Variants in CABLES2 observed in about 807,000 individuals in gnomAD.
CABLES2 encodes CDK5 and ABL1 enzyme substrate 2.
In CABLES2, 35 loss-of-function variants were observed where a neutral mutation model predicts 44.8. That is an observed-to-expected ratio of 0.78 (90% CI 0.60 to 1.04). The LOEUF (loss-of-function observed/expected upper bound fraction) is 1.04. Among genes scored for constraint, CABLES2 ranks in the 50% least tolerant of loss-of-function variants. The pLI, the probability that CABLES2 is intolerant of heterozygous loss-of-function variation, is 0.00. For synonymous variants in CABLES2, 282 were observed against 281.1 expected (o/e 1.00, Z -0.03); for missense variants, 566 against 615.7 (o/e 0.92, Z 0.85).
rs1987924675 is a variant in CABLES2, at chr20:62,391,841, G to A, written c.1092-388C>T. On this transcript the variant is annotated intron_variant, in intron 8 of 9. Transcript: ENST00000279101. This position sits in a 1 kb window ranked among gnomAD's most constrained non-coding sequence, Gnocchi z 5.7. Reference sequence around the variant, plus strand: ...AGTGAGCTGCCCTCTGGAACACTGGGGCAGAGGCCGGCAGGGCAGGCCCCC... The same window carrying A: ...AGTGAGCTGCCCTCTGGAACACTGGAGCAGAGGCCGGCAGGGCAGGCCCCC... 6.6e-6 allele frequency among the ~76,000 whole-genome samples: 1 copy of A among 152,032 alleles called. No homozygotes were observed. Among genetic ancestry groups the A allele is most frequent in the Non-Finnish European group, 1.5e-5 (1 of 67,994 alleles).
chr20:62,397,916 A>AGTAGTGATGGTGGTG (rs1988050914), intron 1 of CABLES2, among the ~76,000 whole-genome samples: 2 of 72,114 alleles, frequency 2.8e-5, no homozygotes, highest in Non-Finnish European at 6.3e-5. Context: ...TGGTGATGGC[A>AGTAGTGATGGTGGTG]GTGGTGATGG....
intron 1 of CABLES2, among the ~76,000 whole-genome samples, chr20:62,401,814 G>T (rs996554876): frequency 6.6e-6 from 1 of 152,208 alleles, no homozygotes; most frequent in Non-Finnish European, 1.5e-5. Flanking sequence ...GCTCCGTGGG[G>T]TGTGCCCAGG....
At chr20:62,395,199 G>GCC (rs965194314) in intron 3 of CABLES2, among the ~76,000 whole-genome samples, 185 bp from the exon 4 acceptor site, 1 of 152,220 alleles carries the variant, frequency 6.6e-6, no homozygotes, top group East Asian at 1.9e-4. Flanking sequence ...ACTAAGCCTG[G>GCC]CCCCCGCAAG....
Position 62,407,236 on chromosome 20 carries a change from G to A in CABLES2, c.41C>T (p.Pro14Leu), listed in dbSNP as rs1282980827. ...GGGTGGCGGGGGCCCGGCGGGGCCG[G>A]GGGCCGGGCCCGGGGCTCCACCGGC... ...AAAGGAPGPAPGPAGPPPPAA... is the reference protein window; with the variant it reads ...AAAGGAPGPALGPAGPPPPAA... Residue 14 changes from proline (P) to leucine (L), a missense_variant, in exon 1 of 10, where the codon CCC (proline) becomes CTC (leucine). Transcript: ENST00000279101. The A allele has an allele frequency of 4.7e-6, 4 of 853,012 alleles. No homozygotes were observed. The highest frequency in any genetic ancestry group is 1.9e-5 in the African/African-American group (1 of 53,882). 52.8% of individuals were successfully genotyped at this position (853,012 alleles called of 1,614,324 possible). A position where few individuals can be genotyped will look rare whatever the true frequency, so the allele number is the denominator to read the frequency against.
rs759686579 is a variant in CABLES2, at chr20:62,392,414, T to G, written c.1066A>C (p.Lys356Gln). 10 of 1,613,898 alleles carry G rather than the reference T, an allele frequency of 6.2e-6. No individual in the cohort carries two copies. The highest frequency in any genetic ancestry group is 8.5e-6 in the Non-Finnish European group (10 of 1,179,946). Residue 356 changes from lysine (K) to glutamine (Q), a missense_variant, in exon 8 of 10, where the codon AAA becomes CAA. By Grantham distance (53) the Lys-to-Gln change is moderately conservative (BLOSUM62 1). This residue lies in a region of CABLES2 where 436 missense variants were observed against 536.3 expected (regional missense o/e 0.81). Coordinates refer to ENST00000279101, the MANE Select transcript of CABLES2 (RefSeq NM_031215.3). ...ETFREKFPHV[K>Q]LTLSKIRSLK... ...CTCCTGATTTTGCTCAGCGTCAGTT[T>G]GACATGGGGGAACTTCTCCCTGAAG...
rs774847572 is a variant in CABLES2 at position 62,406,977 on chromosome 20, G to C, written c.300C>G (p.Pro100=). 1.1e-4 allele frequency: 135 copies of C among 1,206,956 alleles called. 1 individual carries two copies. The African/African-American group carries it at 2.0e-3, about 18-fold the overall frequency. 74.8% of individuals were successfully genotyped at this position (1,206,956 alleles called of 1,614,324 possible). Residue 100 remains proline (P), a synonymous_variant, in exon 1 of 10, where the codon CCC becomes CCG. Transcript: ENST00000279101. ...PTGLPARTPA[P]QGLLSPTQVP... ...CCTGCGTGGGGCTGAGCAGGCCCTG[G>C]GGCGCGGGGGTCCTGGCGGGCAGCC...
chr20:62,400,160 G>A (rs1414052545), intron 1 of CABLES2, among the ~76,000 whole-genome samples: 1 of 152,206 alleles, frequency 6.6e-6, no homozygotes, highest in Non-Finnish European at 1.5e-5. Flanking sequence ...GGGGGCAGGG[G>A]ACCAGCCGGA....
At chr20:62,398,073 G>GTGGTGGTGGTGGTGA (rs1988081188) in intron 1 of CABLES2, among the ~76,000 whole-genome samples, 2 of 38,736 alleles carry the variant, frequency 5.2e-5, no homozygotes, top group East Asian at 2.0e-3. Flanking sequence ...GGTGGTGACG[G>GTGGTGGTGGTGGTGA]TGGTGGTGGT....
intron 1 of CABLES2, among the ~76,000 whole-genome samples, chr20:62,398,088 A>ATGGTGGTGGTGGTAATGG: frequency 1.9e-5 from 1 of 52,250 alleles, no homozygotes; most frequent in South Asian, 8.8e-4. Flanking sequence ...GGTGGTGGTG[A>ATGGTGGTGGTGGTAATGG]CGGTGGTGGT....
chr20:62,394,300 G>A, intron 4 of CABLES2, 35 bp from the exon 5 acceptor site: 1 of 1,569,206 alleles, frequency 6.4e-7, no homozygotes, highest in East Asian at 2.2e-5. Flanking sequence ...GCTGTGGTCT[G>A]CGCTGAACTC....
intron 1 of CABLES2, among the ~76,000 whole-genome samples, chr20:62,400,453 C>T (rs1483853956): frequency 1.3e-5 from 2 of 152,090 alleles, no homozygotes; most frequent in Non-Finnish European, 2.9e-5. Flanking sequence ...AGGAGCCCAG[C>T]GGAGGCTGGA....
chr20:62,397,345 C>T (rs1419025781), intron 1 of CABLES2, among the ~76,000 whole-genome samples: 2 of 152,290 alleles, frequency 1.3e-5, no homozygotes, highest in Non-Finnish European at 2.9e-5. Context: ...AGTGCCGGCC[C>T]CATGGATGGG....
Position 62,388,689 on chromosome 20 carries a change from A to G in CABLES2, c.*2282T>C. The stretch of plus-strand genomic sequence containing the variant: ...ATTATCCATTTAAAAACAGATATCT[A>G]AGACAAAATAACTCAAACATTCTGA... On this transcript the variant is annotated 3_prime_UTR_variant, in exon 10 of 10. Transcript: ENST00000279101. The G allele has an allele frequency of 3.4e-6, 2 of 589,104 alleles. No individual in the cohort carries two copies. The highest frequency in any genetic ancestry group is 6.0e-6 in the Non-Finnish European group (2 of 333,924). The allele number at this position is 589,104 out of a possible 1,614,324, so 36.5% of individuals were successfully genotyped here. A position where few individuals can be genotyped will look rare whatever the true frequency, so the allele number is the denominator to read the frequency against.
intron 1 of CABLES2, among the ~76,000 whole-genome samples, chr20:62,406,171 G>A (rs1988279491): frequency 6.6e-6 from 1 of 152,100 alleles, no homozygotes; most frequent in Non-Finnish European, 1.5e-5. Flanking sequence ...GGAGAGGAGG[G>A]GTGCCAGAGA....
chr20:62,394,062 T>G (rs1428754346), intron 5 of CABLES2, 95 bp downstream of exon 5: 1 of 945,984 alleles, frequency 1.1e-6, no homozygotes, highest in Non-Finnish European at 1.7e-6. Context: ...GAAGCACAGC[T>G]TCACGTGTGC....
chr20:62,401,193 C>T (rs563172183), intron 1 of CABLES2, among the ~76,000 whole-genome samples: 130 of 152,322 alleles, frequency 8.5e-4, no homozygotes, highest in African/African-American at 3.1e-3. Flanking sequence ...TTGCAGGTCA[C>T]GTTTTTTGGT....
At position 62,390,713 on chromosome 20, in the gene CABLES2, C is replaced by G; in HGVS notation, c.*258G>C. On this transcript the variant is annotated 3_prime_UTR_variant, in exon 10 of 10. Transcript: ENST00000279101. Reference sequence around the variant, plus strand: ...CGTGAAAAAAATACCAGTAACAAACCTCACATTTAGTTTATGTAAAAATGC... The same window carrying G: ...CGTGAAAAAAATACCAGTAACAAACGTCACATTTAGTTTATGTAAAAATGC... 1.9e-6 allele frequency: 1 copy of G among 514,492 alleles called. No homozygotes were observed. The highest frequency in any genetic ancestry group is 2.6e-5 in the South Asian group (1 of 38,262). 31.9% of individuals were successfully genotyped at this position (514,492 alleles called of 1,614,324 possible).
At chr20:62,403,390 G>A (rs894141846) in intron 1 of CABLES2, 3 of 152,284 alleles carry the variant, frequency 2.0e-5, no homozygotes, top group Non-Finnish European at 4.4e-5. Context: ...GTCCCTGTGA[G>A]GAAATCACCA....
chr20:62,406,851 T>C (rs570267973), intron 1 of CABLES2, 64 bp downstream of exon 1: 4 of 969,162 alleles, frequency 4.1e-6, no homozygotes, highest in Non-Finnish European at 3.9e-6. Flanking sequence ...CCTGGGCTGA[T>C]CCGGCCCCCG....
Sources: gnomAD v4.1 joint callset for allele counts (sites outside exome capture counted in the v4.1 genomes callset) on GRCh38, gnomAD v4.1.1 for gene constraint, gnomAD v4.1.1 regional missense constraint, Gnocchi (gnomAD v3.1) non-coding constraint, MANE v1.5 for transcripts, NCBI Gene and HGNC (gene_info 2026-07-23, HGNC 2026-07-21) for gene names.